Variants in HDAC4 observed in about 807,000 individuals in gnomAD.
HDAC4 encodes the protein histone deacetylase A.
In HDAC4, 16 loss-of-function variants were observed where a neutral mutation model predicts 135.1. That is an observed-to-expected ratio of 0.12 (90% CI 0.08 to 0.18). The LOEUF (loss-of-function observed/expected upper bound fraction) is 0.18. HDAC4 is among the 10% of genes least tolerant of loss of function. The probability of loss-of-function intolerance (pLI) is 1.00; values close to 1 mark genes in which losing one functional copy is unlikely to be tolerated. For missense variants in HDAC4, 1,143 were observed against 1,511.8 expected (o/e 0.76, Z 4.05); for synonymous variants, 685 against 653.4 (o/e 1.05, Z -0.74).
rs2036887342 is a variant in HDAC4 at position 239,095,069 on chromosome 2, G to A, written c.2234-13C>T. 2 of 1,613,828 alleles carry A rather than the reference G, an allele frequency of 1.2e-6. No homozygotes were observed. The highest frequency in any genetic ancestry group is 1.7e-6 in the Non-Finnish European group (2 of 1,179,962). On this transcript the variant is annotated splice_polypyrimidine_tract_variant and intron_variant, in intron 16 of 26. Coordinates refer to ENST00000543185, the MANE Select transcript of HDAC4 (RefSeq NM_001378414.1). ...GAGGCGAGCGAGCCTGTGGGGGGGA[G>A]GGAGACGGTCAGAGAGGCCAAGGGC...
intron 1 of HDAC4, among the ~76,000 whole-genome samples, chr2:239,361,709 T>TA (rs550308166): frequency 7.7e-4 from 117 of 152,374 alleles, no homozygotes; most frequent in African/African-American, 2.5e-3. Flanking sequence ...GTCTGCCTGA[T>TA]ACACCTCTCT....
chr2:239,282,955 C>T (rs1265106061), intron 2 of HDAC4, among the ~76,000 whole-genome samples: 1 of 151,852 alleles, frequency 6.6e-6, no homozygotes, highest in East Asian at 1.9e-4. Context: ...ACACACCACT[C>T]TACAATGTAC....
At position 239,189,981 on chromosome 2, in the gene HDAC4, G is replaced by A. The variant is rs2153042929; in HGVS notation, c.191C>T (p.Pro64Leu). 1 of 1,607,436 alleles carries A rather than the reference G, an allele frequency of 6.2e-7. No individual in the cohort carries two copies. Among genetic ancestry groups the A allele is most frequent in the Non-Finnish European group, 8.5e-7 (1 of 1,179,892 alleles). ...DHQFSLPVAEPALREQQLQQE... is the reference protein window; with the variant it reads ...DHQFSLPVAELALREQQLQQE... ...CTGCAGCTGCTGCTCCCGCAGGGCC[G>A]GCTCTGCCACAGGCAGTGAGAACTG... Residue 64 changes from proline (P) to leucine (L), a missense_variant, in exon 4 of 27, where the codon CCG becomes CTG. Physicochemically the swap from Pro to Leu is moderately conservative, Grantham distance 98 (BLOSUM62 -3). Around this residue, in one of 9 missense-constraint regions of HDAC4, gnomAD observed 247 missense variants for 310.0 expected, o/e 0.80. Coordinates refer to ENST00000543185, the MANE Select transcript of HDAC4 (RefSeq NM_001378414.1).
intron 19 of HDAC4, 50 bp from the exon 20 acceptor site, chr2:239,084,292 AG>A: frequency 7.3e-7 from 1 of 1,378,316 alleles, no homozygotes; most frequent in South Asian, 1.2e-5. Flanking sequence ...GGCGGTGGCC[AG>A]TTTCTCCACG....
chr2:239,211,144 C>A (rs1408073094), intron 3 of HDAC4, among the ~76,000 whole-genome samples: 1 of 152,242 alleles, frequency 6.6e-6, no homozygotes, highest in Admixed American at 6.5e-5. Flanking sequence ...TCGAAAATCA[C>A]TTTCTCACAA....
In HDAC4 at chr2:239,163,716, G is replaced by C. The variant is rs2042960358; in HGVS notation, c.611+87C>G. On this transcript the variant is annotated intron_variant, in intron 6 of 26. Transcript: ENST00000543185. ...CCTCCTTCCCTGCCTCCGGTGAAGA[G>C]CTGGCTCCATGCAAATCTACCGGCG... 4 of 1,372,064 alleles carry C rather than the reference G, an allele frequency of 2.9e-6. No homozygotes were observed. The Admixed American group carries it at 6.7e-5, about 23-fold the overall frequency. The allele number at this position is 1,372,064 out of a possible 1,614,324, so 85.0% of individuals were successfully genotyped here.
At chr2:239,057,662 A>C (rs1233436555) in intron 24 of HDAC4, among the ~76,000 whole-genome samples, 1 of 152,236 alleles carries the variant, frequency 6.6e-6, no homozygotes, top group Non-Finnish European at 1.5e-5. Flanking sequence ...TTATCCAGTG[A>C]AACTATCATC....
In HDAC4 at chr2:239,139,290, G is replaced by A. The variant is rs1457878054; in HGVS notation, c.978+394C>T. On this transcript the variant is annotated intron_variant, in intron 9 of 26. Coordinates refer to ENST00000543185, the MANE Select transcript of HDAC4 (RefSeq NM_001378414.1). This position sits in a 1 kb window ranked among gnomAD's most constrained non-coding sequence, Gnocchi z 5.3. ...TAGCAACTATACCCACGTGCCCACG[G>A]CCTCTCAGCCACCCTCAGAGCACTG... Among the ~76,000 whole-genome samples the A allele has an allele frequency of 3.3e-5, 5 of 152,206 alleles. No homozygotes were observed. The highest frequency in any genetic ancestry group is 1.2e-4 in the African/African-American group (5 of 41,450).
intron 1 of HDAC4, among the ~76,000 whole-genome samples, chr2:239,389,092 G>A (rs1559403227): frequency 1.3e-5 from 2 of 152,172 alleles, no homozygotes; most frequent in African/African-American, 2.4e-5. Flanking sequence ...GATTGTAAAT[G>A]CACCAATCAG....
intron 2 of HDAC4, among the ~76,000 whole-genome samples, chr2:239,290,403 T>C (rs1470801345): frequency 6.6e-6 from 1 of 152,140 alleles, no homozygotes; most frequent in Admixed American, 6.5e-5. Flanking sequence ...CACCAATGAG[T>C]GGCCCATTTT....
intron 2 of HDAC4, among the ~76,000 whole-genome samples, chr2:239,275,270 C>A (rs1483748117): frequency 2.0e-5 from 3 of 152,226 alleles, no homozygotes; most frequent in African/African-American, 7.2e-5. Flanking sequence ...CACGCTGGAG[C>A]CAGGCTGCCG....
At position 239,053,580 on chromosome 2, in the gene HDAC4, TGCAG is replaced by T; in HGVS notation, c.3106_3109del (p.Leu1036SerfsTer11). The T allele has an allele frequency of 6.2e-7, 1 of 1,613,870 alleles. No homozygotes were observed. Among genetic ancestry groups the T allele is most frequent in the South Asian group, 1.1e-5 (1 of 91,080 alleles). On this transcript the variant is annotated frameshift_variant, in exon 26 of 27. Transcript: ENST00000543185. LOFTEE classifies it high-confidence loss of function. The stretch of plus-strand genomic sequence containing the variant: ...ACGCCCCGCTGTGGAGGTTGTGCGC[TGCAG>T]GCAGCGCCAGTACTTGCCTGGGGTG...
chr2:239,194,441 TCTC>T (rs1382808878), intron 3 of HDAC4, among the ~76,000 whole-genome samples: 1 of 152,134 alleles, frequency 6.6e-6, no homozygotes, highest in African/African-American at 2.4e-5. Flanking sequence ...GCCGGGGAAT[TCTC>T]TTCTGAAGCT....
intron 1 of HDAC4, among the ~76,000 whole-genome samples, chr2:239,374,328 A>G (rs1392558043): frequency 2.0e-5 from 3 of 150,614 alleles, no homozygotes; most frequent in East Asian, 2.0e-4. Flanking sequence ...GATGCCGACA[A>G]TGATGACGAG....
At chr2:239,122,891 A>C (rs2039813450) in intron 12 of HDAC4, among the ~76,000 whole-genome samples, 1 of 152,216 alleles carries the variant, frequency 6.6e-6, no homozygotes, top group Non-Finnish European at 1.5e-5. Context: ...AGGAGGGTTC[A>C]CAGCTGCCAG....
rs2041176424 is a variant in HDAC4, at chr2:239,139,169, C to T, written c.978+515G>A. 6.6e-6 allele frequency among the ~76,000 whole-genome samples: 1 copy of T among 152,226 alleles called. No homozygotes were observed. The highest frequency in any genetic ancestry group is 1.9e-4 in the East Asian group (1 of 5,200). ...CTTTGGCCGGCCCTGCCATGCTGAC[C>T]ACGGGTGACGCTCCAGTCGGCCCTG... On this transcript the variant is annotated intron_variant, in intron 9 of 26. Transcript: ENST00000543185. This position sits in a 1 kb window ranked among gnomAD's most constrained non-coding sequence, Gnocchi z 5.3.
intron 2 of HDAC4, among the ~76,000 whole-genome samples, chr2:239,302,565 G>C (rs1003168348): frequency 1.3e-5 from 2 of 152,222 alleles, no homozygotes; most frequent in Non-Finnish European, 2.9e-5. Context: ...TCCAAACACT[G>C]CAGCGGGCGC....
At chr2:239,381,574 T>C (rs1695418018) in intron 1 of HDAC4, among the ~76,000 whole-genome samples, 1 of 152,202 alleles carries the variant, frequency 6.6e-6, no homozygotes, top group Admixed American at 6.5e-5. Flanking sequence ...CTATTTAAGT[T>C]CTATGACTGT....
chr2:239,085,685 C>T (rs1236503068), intron 19 of HDAC4: 1 of 152,272 alleles, frequency 6.6e-6, no homozygotes, highest in Non-Finnish European at 1.5e-5. Context: ...AACAAGCATC[C>T]CTCCCTGGCG....
Sources: gnomAD v4.1 joint callset for allele counts (sites outside exome capture counted in the v4.1 genomes callset) on GRCh38, gnomAD v4.1.1 for gene constraint, gnomAD v4.1.1 regional missense constraint, Gnocchi (gnomAD v3.1) non-coding constraint, MANE v1.5 for transcripts, NCBI Gene and HGNC (gene_info 2026-07-23, HGNC 2026-07-21) for gene names.